The following KLC2 variants were observed in gnomAD, a reference collection of about 807,000 sequenced individuals.
KLC2 encodes kinesin light chain 2.
A neutral mutation model predicts 75.1 loss-of-function variants in KLC2; 35 were observed. The ratio of observed to expected loss-of-function variants is 0.47; its 90% confidence interval spans 0.36 to 0.62. KLC2 has a LOEUF of 0.62. KLC2 is among the 20% of genes least tolerant of loss of function. KLC2 has a pLI of 0.00. For synonymous variants in KLC2, 314 were observed against 336.7 expected (o/e 0.93, Z 0.74); for missense variants, 611 against 833.2 (o/e 0.73, Z 3.28).
At chr11:66,257,290 A>G (rs1590852952), upstream of KLC2, 1 of 152,280 alleles carries the variant, frequency 6.6e-6, no homozygotes, top group East Asian at 1.9e-4. Flanking sequence ...CTGGGGTCAG[A>G]TCTGCGAGCC....
At position 66,265,923 on chromosome 11, in the gene KLC2, C is replaced by T. The variant is rs199498417; in HGVS notation, c.1513C>T (p.Arg505Cys). The T allele has an allele frequency of 1.2e-3, 1,843 of 1,585,144 alleles. 2 individuals carry two copies. The highest frequency in any genetic ancestry group is 1.4e-3 in the Non-Finnish European group (1,615 of 1,163,006). The change falls in exon 13 of 16, where the codon CGC (arginine) becomes TGC (cysteine). Residue 505 changes from arginine to cysteine, a missense_variant. By Grantham distance (180) the Arg-to-Cys change is radical. Transcript: ENST00000394067. ...AGATGGCAGTGGCAGGCGGGGAGAC[C>T]GCCGCAGCAGCCGAGACATGGCTGG... The part of the protein sequence containing the change: ...LKDGSGRRGD[R>C]RSSRDMAGGA...
rs1195673267 is a variant in KLC2, at chr11:66,263,016, C to T, written c.732C>T (p.Asn244=). 1.9e-6 allele frequency: 3 copies of T among 1,613,674 alleles called. No individual in the cohort carries two copies. Among genetic ancestry groups the T allele is most frequent in the African/African-American group, 2.7e-5 (2 of 74,884 alleles). ...HDHPDVATML[N]ILALVYRDQN... ...ACCCTGACGTTGCCACCATGCTGAA[C>T]ATCCTGGCACTGGTCTATCGGTGAG... Residue 244 remains asparagine (N), a synonymous_variant, in exon 5 of 16, where the codon AAC becomes AAT. Transcript: ENST00000394067.
At chr11:66,246,580 A>G in the KLC2 span, among the ~76,000 whole-genome samples, 1 of 152,058 alleles carries the variant, frequency 6.6e-6, no homozygotes, top group South Asian at 2.1e-4. Context: ...ACCCACTTAC[A>G]TGCATCCCAA....
Position 66,265,968 on chromosome 11 carries a change from G to C in KLC2, c.1558G>C (p.Glu520Gln), listed in dbSNP as rs1432266771. 1 of 1,608,648 alleles carries C rather than the reference G, an allele frequency of 6.2e-7. No individual in the cohort carries two copies. Among genetic ancestry groups the C allele is most frequent in the African/African-American group, 1.3e-5 (1 of 74,852 alleles). The part of the protein sequence containing the change: ...DMAGGAGPRS[E>Q]SDLEDVGPTA... ...GGCTGGGGGTGCCGGGCCTCGGTCTGAGTCTGACCTCGAGGACGTGGGACC... is the reference window on the plus strand; with the variant it reads ...GGCTGGGGGTGCCGGGCCTCGGTCTCAGTCTGACCTCGAGGACGTGGGACC... The change falls in exon 13 of 16, where the codon GAG becomes CAG. Residue 520 changes from glutamate (E) to glutamine (Q), a missense_variant. By Grantham distance (29) the Glu-to-Gln change is conservative (BLOSUM62 2). Transcript: ENST00000394067.
upstream of KLC2, among the ~76,000 whole-genome samples, chr11:66,253,005 C>CT (rs34358719): frequency 0.044 from 5,461 of 122,900 alleles, 233 homozygotes; most frequent in Non-Finnish European, 0.064. Flanking sequence ...AATGTGCTGA[C>CT]TTTTTTTTTT....
chr11:66,246,244 CG>C, the KLC2 span: 2 of 152,398 alleles, frequency 1.3e-5, no homozygotes, highest in African/African-American at 4.8e-5. Context: ...GAGGACTTCC[CG>C]GAGCACAGCC....
chr11:66,258,880 G>C lies in KLC2; in HGVS notation c.228+58G>C, dbSNP rs557570808. The C allele has an allele frequency of 4.2e-6, 5 of 1,202,742 alleles. No homozygotes were observed. In the African/African-American group the frequency reaches 4.5e-5, roughly 11 times the overall value. 74.5% of individuals were successfully genotyped at this position (1,202,742 alleles called of 1,614,324 possible). A position where few individuals can be genotyped will look rare whatever the true frequency, so the allele number is the denominator to read the frequency against. On this transcript the variant is annotated intron_variant, in intron 2 of 15. Coordinates refer to ENST00000394067, the MANE Select transcript of KLC2 (RefSeq NM_001318734.2). ...CACTGGAGGGATCGAGCCTTCAAGA[G>C]GAATCCGGTAATGTAGGAGAAGAAT... is the stretch of plus-strand genomic sequence containing the variant.
the KLC2 span, among the ~76,000 whole-genome samples, chr11:66,249,277 A>G: frequency 2.6e-5 from 4 of 152,154 alleles, no homozygotes; most frequent in Admixed American, 6.6e-5. Context: ...GACATCATGG[A>G]TGAGGTTGAC....
At chr11:66,266,759 C>A in intron 15 of KLC2, 114 bp from the exon 16 acceptor site, 1 of 1,124,464 alleles carries the variant, frequency 8.9e-7, no homozygotes, top group Non-Finnish European at 1.3e-6. Context: ...ACTGCCATTG[C>A]CTCTGCCCAG....
intron 9 of KLC2, 46 bp from the exon 10 acceptor site, chr11:66,264,977 T>G: frequency 1.0e-4 from 167 of 1,591,338 alleles, no homozygotes; most frequent in Non-Finnish European, 1.3e-4. Context: ...CCCAACCAGG[T>G]GAGACCTATA....
intron 4 of KLC2, 72 bp downstream of exon 4, chr11:66,262,264 T>C: frequency 8.2e-7 from 1 of 1,223,286 alleles, no homozygotes; most frequent in Non-Finnish European, 1.2e-6. Flanking sequence ...ACCGAGTGGC[T>C]GCCATGTTCC....
At chr11:66,266,308 C>A in intron 14 of KLC2, 91 bp downstream of exon 14, 1 of 1,491,694 alleles carries the variant, frequency 6.7e-7, no homozygotes, top group Non-Finnish European at 9.1e-7. Flanking sequence ...CCCCAGGCAA[C>A]CTCCCCATCC....
Position 66,258,719 on chromosome 11 carries a change from TG to T in KLC2, c.127del (p.Val43LeufsTer35). 6.2e-7 allele frequency: 1 copy of T among 1,613,576 alleles called. No individual in the cohort carries two copies. The highest frequency in any genetic ancestry group is 1.1e-5 in the South Asian group (1 of 91,084). Reference sequence around the variant, plus strand: ...GAGCATCGTGCCCTGCTGGCTCCTCTGGTTGCACCTGAGGCCGGCGAAGCCG... The same window carrying T: ...GAGCATCGTGCCCTGCTGGCTCCTCTGTTGCACCTGAGGCCGGCGAAGCCG... ...RGEHRALLAP[L>X]VAPEAGEAEP... On this transcript the variant is annotated frameshift_variant, in exon 2 of 16. Coordinates refer to ENST00000394067, the MANE Select transcript of KLC2 (RefSeq NM_001318734.2). LOFTEE classifies it high-confidence loss of function.
upstream of KLC2, among the ~76,000 whole-genome samples, chr11:66,252,382 T>C (rs1855970484): frequency 7.0e-6 from 1 of 143,562 alleles, no homozygotes; most frequent in Non-Finnish European, 1.6e-5. Context: ...GCCTCCCGGG[T>C]TCGCGCCATT....
At chr11:66,254,436 T>C (rs2134777543), upstream of KLC2, among the ~76,000 whole-genome samples, 1 of 151,938 alleles carries the variant, frequency 6.6e-6, no homozygotes, top group African/African-American at 2.4e-5. Flanking sequence ...GAGGCCGAGG[T>C]GGGATGATCG....
chr11:66,246,731 GT>G, the KLC2 span, among the ~76,000 whole-genome samples: 1 of 152,258 alleles, frequency 6.6e-6, no homozygotes, highest in Admixed American at 6.5e-5. Flanking sequence ...CTCCCTTCCA[GT>G]TTTTTCCTCA....
chr11:66,244,628 C>G, the KLC2 span: 1 of 152,332 alleles, frequency 6.6e-6, no homozygotes, highest in Non-Finnish European at 1.5e-5. Flanking sequence ...CCAGCCCTTC[C>G]CAGGGCTCAG....
At chr11:66,248,197 A>G in the KLC2 span, among the ~76,000 whole-genome samples, 1 of 152,244 alleles carries the variant, frequency 6.6e-6, no homozygotes, top group African/African-American at 2.4e-5. Context: ...AGATTTATGG[A>G]AAAGTTGCAA....
upstream of KLC2, among the ~76,000 whole-genome samples, chr11:66,255,757 CT>C (rs111692323): frequency 2.0e-3 from 286 of 141,232 alleles, no homozygotes; most frequent in Middle Eastern, 3.5e-3. Flanking sequence ...GCTTGTTTGC[CT>C]TTTTTTTTTT....
Sources: gnomAD v4.1 joint callset for allele counts (sites outside exome capture counted in the v4.1 genomes callset) on GRCh38, gnomAD v4.1.1 for gene constraint, MANE v1.5 for transcripts, NCBI Gene and HGNC (gene_info 2026-07-23, HGNC 2026-07-21) for gene names.